The following FSD2 variants were observed in gnomAD, a reference collection of about 807,000 sequenced individuals.
FSD2 encodes fibronectin type III and SPRY domain-containing protein 2.
A neutral mutation model predicts 80.4 loss-of-function variants in FSD2; 71 were observed. That is an observed-to-expected ratio of 0.88 (90% CI 0.73 to 1.08). FSD2 has a LOEUF of 1.08. FSD2 is among the 50% of genes least tolerant of loss of function. The pLI, the probability that FSD2 is intolerant of heterozygous loss-of-function variation, is 0.00. For synonymous variants in FSD2, 361 were observed against 329.5 expected (o/e 1.10, Z -1.03); for missense variants, 923 against 913.8 (o/e 1.01, Z -0.13).
At chr15:82,778,126 C>T (rs867004501) in intron 6 of FSD2, among the ~76,000 whole-genome samples, 1 of 21,720 alleles carries the variant, frequency 4.6e-5, no homozygotes, top group African/African-American at 3.0e-4. Flanking sequence ...CACAAAAAAA[C>T]CATATATATA....
chr15:82,797,030 A>AC (rs1156393202), intron 1 of FSD2, among the ~76,000 whole-genome samples: 16 of 124,526 alleles, frequency 1.3e-4, no homozygotes, highest in Admixed American at 4.3e-4. Context: ...TAAAAAAAAA[A>AC]AAAAAAAAAA....
chr15:82,802,989 G>A (rs970912006), intron 1 of FSD2, among the ~76,000 whole-genome samples: 16 of 152,270 alleles, frequency 1.1e-4, no homozygotes, highest in Non-Finnish European at 1.5e-4. Flanking sequence ...GTGAATTCAA[G>A]AGAACAGGAT....
At chr15:82,794,726 C>CTTT (rs56731193) in intron 1 of FSD2, among the ~76,000 whole-genome samples, 1 of 134,952 alleles carries the variant, frequency 7.4e-6, no homozygotes, top group African/African-American at 2.7e-5. Flanking sequence ...TGGCTCTTTT[C>CTTT]TTTTTTTTTT....
At chr15:82,766,138 G>T in intron 9 of FSD2, 107 bp from the exon 10 acceptor site, 2 of 1,261,326 alleles carry the variant, frequency 1.6e-6, no homozygotes, top group Non-Finnish European at 2.1e-6. Flanking sequence ...TTGCGCTCCT[G>T]TCCTCTGACC....
intron 8 of FSD2, among the ~76,000 whole-genome samples, 196 bp downstream of exon 8, chr15:82,769,554 G>A (rs1030677809): frequency 6.7e-6 from 1 of 150,144 alleles, no homozygotes; most frequent in African/African-American, 2.5e-5. Context: ...CAGCCTGGGC[G>A]GGACTCATCT....
intron 1 of FSD2, among the ~76,000 whole-genome samples, chr15:82,803,956 G>T (rs2050472525): frequency 6.6e-6 from 1 of 152,092 alleles, no homozygotes; most frequent in African/African-American, 2.4e-5. Flanking sequence ...ACCTCATAAG[G>T]TTGGCATTTA....
At chr15:82,774,937 G>A (rs2049678544) in intron 6 of FSD2, among the ~76,000 whole-genome samples, 1 of 151,076 alleles carries the variant, frequency 6.6e-6, no homozygotes, top group Non-Finnish European at 1.5e-5. Flanking sequence ...GGCCAGGATG[G>A]TCTCAATCTC....
Position 82,778,832 on chromosome 15 carries a change from A to T in FSD2, c.1045T>A (p.Phe349Ile). 1 of 1,613,972 alleles carries T rather than the reference A, an allele frequency of 6.2e-7. No individual in the cohort carries two copies. The highest frequency in any genetic ancestry group is 8.5e-7 in the Non-Finnish European group (1 of 1,179,874). The change falls in exon 6 of 13, where the codon TTT becomes ATT. Residue 349 changes from phenylalanine (F) to isoleucine (I), a missense_variant. Transcript: ENST00000334574. ...TDVEISAQPE[F>I]EDQTLDFSDV... ...GAGAAATCCAAGGTCTGGTCTTCAA[A>T]CTCAGGCTGTGCAGAGATTTCCACG...
intron 7 of FSD2, among the ~76,000 whole-genome samples, chr15:82,770,232 T>C (rs1274179549): frequency 1.3e-5 from 2 of 152,182 alleles, no homozygotes; most frequent in Non-Finnish European, 2.9e-5. Flanking sequence ...TCCTGGAGGA[T>C]GTGAGACCGC....
chr15:82,764,103 G>A (rs954648781), intron 11 of FSD2, among the ~76,000 whole-genome samples: 1 of 152,170 alleles, frequency 6.6e-6, no homozygotes, highest in African/African-American at 2.4e-5. Context: ...CCTTGTTTCT[G>A]TTCTCCCACT....
chr15:82,780,623 G>A (rs983057127), intron 4 of FSD2, among the ~76,000 whole-genome samples: 1 of 151,728 alleles, frequency 6.6e-6, no homozygotes, highest in Non-Finnish European at 1.5e-5. Context: ...ATGAGCCACC[G>A]TGCCTGGCTG....
intron 6 of FSD2, among the ~76,000 whole-genome samples, chr15:82,778,157 T>TAAAA (rs1555478177): frequency 7.7e-6 from 1 of 129,890 alleles, no homozygotes; most frequent in African/African-American, 3.2e-5. Flanking sequence ...TATATATATA[T>TAAAA]AATAACTATT....
intron 1 of FSD2, among the ~76,000 whole-genome samples, chr15:82,788,702 G>C (rs1157394463): frequency 1.3e-5 from 2 of 151,924 alleles, no homozygotes; most frequent in Admixed American, 6.6e-5. Flanking sequence ...GGCAACCTGG[G>C]TCAGGAACCT....
At chr15:82,801,837 C>A (rs772458557) in intron 1 of FSD2, among the ~76,000 whole-genome samples, 2 of 152,178 alleles carry the variant, frequency 1.3e-5, no homozygotes, top group Non-Finnish European at 2.9e-5. Flanking sequence ...GATTAAAGCA[C>A]ACAAGGCACC....
chr15:82,797,041 A>AAAC (rs1566981968), intron 1 of FSD2, among the ~76,000 whole-genome samples: 1 of 134,820 alleles, frequency 7.4e-6, no homozygotes, highest in Non-Finnish European at 1.6e-5. Flanking sequence ...AAAAAAAAAA[A>AAAC]CACCTCCAGG....
At chr15:82,760,702 C>G (rs1485086169) in intron 12 of FSD2, among the ~76,000 whole-genome samples, 1 of 150,670 alleles carries the variant, frequency 6.6e-6, no homozygotes, top group Non-Finnish European at 1.5e-5. Flanking sequence ...TACCTTCATT[C>G]TCCACTTGTA....
At chr15:82,777,840 C>CT (rs1406400798) in intron 6 of FSD2, among the ~76,000 whole-genome samples, 1 of 142,860 alleles carries the variant, frequency 7.0e-6, no homozygotes, top group Non-Finnish European at 1.5e-5. Context: ...GAGCAAGACT[C>CT]TTTCTCAATT....
intron 3 of FSD2, among the ~76,000 whole-genome samples, chr15:82,786,195 C>G (rs1596251977): frequency 1.3e-5 from 2 of 152,190 alleles, no homozygotes; most frequent in Non-Finnish European, 2.9e-5. Context: ...ACCTTATTTA[C>G]TCATGCAACA....
At chr15:82,777,436 CAT>C (rs2049740413) in intron 6 of FSD2, among the ~76,000 whole-genome samples, 1 of 152,166 alleles carries the variant, frequency 6.6e-6, no homozygotes, top group Non-Finnish European at 1.5e-5. Context: ...CCAAAGAAGA[CAT>C]ATAAATAGCC....
Sources: allele counts gnomAD v4.1 joint callset (sites outside exome capture counted in the v4.1 genomes callset), GRCh38; gene constraint gnomAD v4.1.1; transcripts MANE v1.5; gene names NCBI Gene and HGNC (gene_info 2026-07-23, HGNC 2026-07-21).